The following GRIP1 variants were observed in gnomAD, a reference collection of about 807,000 sequenced individuals.
GRIP1 encodes glutamate receptor-interacting protein 1.
A neutral mutation model predicts 129.9 loss-of-function variants in GRIP1; 45 were observed. The observed-to-expected ratio is 0.35, with a 90% CI of 0.27 to 0.44. The LOEUF (loss-of-function observed/expected upper bound fraction) is 0.44. Among genes scored for constraint, GRIP1 ranks in the 20% least tolerant of loss-of-function variants. GRIP1 has a pLI of 1.00. For synonymous variants in GRIP1, 530 were observed against 520.8 expected (o/e 1.02, Z -0.24); for missense variants, 1,196 against 1,396.8 (o/e 0.86, Z 2.29).
intron 1 of GRIP1, among the ~76,000 whole-genome samples, chr12:66,643,936 G>A (rs1451324770): frequency 1.3e-5 from 2 of 152,092 alleles, no homozygotes; most frequent in African/African-American, 2.4e-5. Flanking sequence ...TCACACTGCT[G>A]ATAAAGACAT....
At chr12:66,654,964 A>T (rs2033053198) in intron 1 of GRIP1, among the ~76,000 whole-genome samples, 1 of 152,194 alleles carries the variant, frequency 6.6e-6, no homozygotes, top group South Asian at 2.1e-4. Context: ...TGTTTTTTAC[A>T]TTCTTATTTT....
At chr12:67,041,299 C>T (rs2043176046) in intron 1 of GRIP1, among the ~76,000 whole-genome samples, 1 of 151,514 alleles carries the variant, frequency 6.6e-6, no homozygotes, top group Non-Finnish European at 1.5e-5. Flanking sequence ...AATATATATA[C>T]ACATATATTT....
chr12:67,027,440 T>C (rs957084973), intron 1 of GRIP1, among the ~76,000 whole-genome samples: 24 of 152,210 alleles, frequency 1.6e-4, no homozygotes, highest in African/African-American at 5.8e-4. Flanking sequence ...ATTCATTCCA[T>C]AAATATTACT....
At chr12:66,450,425 G>GT (rs1257312502) in intron 11 of GRIP1, among the ~76,000 whole-genome samples, 6 of 144,834 alleles carry the variant, frequency 4.1e-5, no homozygotes, top group Non-Finnish European at 7.5e-5. Flanking sequence ...GACTTGCTAT[G>GT]TTTTTTTAAA....
At chr12:66,707,503 TAA>T (rs58564255) in intron 1 of GRIP1, among the ~76,000 whole-genome samples, 35 of 64,024 alleles carry the variant, frequency 5.5e-4, no homozygotes, top group African/African-American at 1.6e-3. Context: ...AATCACTGAC[TAA>T]AAAAAAAAAA....
rs141386175 is a variant in GRIP1 at position 66,759,311 on chromosome 12, C to A, written c.-420+44742G>T. On this transcript the variant is annotated intron_variant, in intron 1 of 4. Coordinates refer to the GRIP1 transcript ENST00000538373. Reference sequence around the variant, plus strand: ...TGGCCCCTTTCACCCATGGCTGGAGCCACAGGGCACCAAGTCCCTAGGCTG... The same window carrying A: ...TGGCCCCTTTCACCCATGGCTGGAGACACAGGGCACCAAGTCCCTAGGCTG... 2.6e-5 allele frequency among the ~76,000 whole-genome samples: 4 copies of A among 152,258 alleles called. No individual in the cohort carries two copies. The East Asian group carries it at 7.7e-4, about 29-fold the overall frequency.
At chr12:67,024,358 C>T (rs1174269362) in intron 1 of GRIP1, among the ~76,000 whole-genome samples, 1 of 152,070 alleles carries the variant, frequency 6.6e-6, no homozygotes, top group Non-Finnish European at 1.5e-5. Context: ...GACAGACCTG[C>T]AGCCATAGAC....
chr12:66,628,820 C>T (rs926648942), intron 1 of GRIP1, among the ~76,000 whole-genome samples: 3 of 152,144 alleles, frequency 2.0e-5, no homozygotes, highest in Admixed American at 1.3e-4. Context: ...AATGATCCGG[C>T]CCAAAATGTC....
chr12:66,731,338 G>A (rs1228193948), intron 1 of GRIP1, among the ~76,000 whole-genome samples: 1 of 152,172 alleles, frequency 6.6e-6, no homozygotes, highest in East Asian at 1.9e-4. Context: ...ATTAAATTGT[G>A]TCATAAAATG....
At chr12:66,406,218 C>T in intron 16 of GRIP1, 65 bp downstream of exon 16, 3 of 1,483,224 alleles carry the variant, frequency 2.0e-6, no homozygotes, top group Non-Finnish European at 2.8e-6. Context: ...ACATCAAGAT[C>T]TAATATCTTT....
At chr12:66,659,892 TTATATAG>T (rs1222981961) in intron 1 of GRIP1, among the ~76,000 whole-genome samples, 2 of 152,216 alleles carry the variant, frequency 1.3e-5, no homozygotes, top group Non-Finnish European at 2.9e-5. Flanking sequence ...AGAAATGGTC[TTATATAG>T]TATAAACTCC....
intron 23 of GRIP1, among the ~76,000 whole-genome samples, chr12:66,368,955 A>T (rs903196431): frequency 6.6e-6 from 1 of 152,194 alleles, no homozygotes; most frequent in Non-Finnish European, 1.5e-5. Flanking sequence ...CAGACACCCA[A>T]GATGCGAGCA....
chr12:66,375,809 T>G (rs866327480), intron 22 of GRIP1, among the ~76,000 whole-genome samples: 2 of 152,224 alleles, frequency 1.3e-5, no homozygotes, highest in Middle Eastern at 3.2e-3. Flanking sequence ...TCTTTTTGCC[T>G]AATGTAAAAT....
chr12:67,068,293 C>A (rs1478373547), intron 1 of GRIP1, among the ~76,000 whole-genome samples: 1 of 152,148 alleles, frequency 6.6e-6, no homozygotes, highest in African/African-American at 2.4e-5. Context: ...CAAGCTGAAG[C>A]ACAAAAGGGC....
At chr12:66,943,983 A>T (rs549474544) in intron 1 of GRIP1, among the ~76,000 whole-genome samples, 1 of 152,248 alleles carries the variant, frequency 6.6e-6, no homozygotes, top group East Asian at 1.9e-4. Context: ...ATCATCTCTA[A>T]TCTTTCACCG....
intron 11 of GRIP1, among the ~76,000 whole-genome samples, chr12:66,446,114 C>T (rs1208580642): frequency 5.3e-5 from 8 of 151,586 alleles, no homozygotes; most frequent in Admixed American, 4.6e-4. Flanking sequence ...ACCACCACCC[C>T]AGAGTTTGGT....
At chr12:66,806,695 T>G (rs529526632), upstream of GRIP1, among the ~76,000 whole-genome samples, 3 of 152,146 alleles carry the variant, frequency 2.0e-5, no homozygotes, top group Admixed American at 2.0e-4. Context: ...TCTCAAGCAG[T>G]GGTAAGCAAC....
intron 1 of GRIP1, among the ~76,000 whole-genome samples, chr12:66,659,346 T>G (rs796082663): frequency 3.3e-5 from 5 of 152,374 alleles, no homozygotes; most frequent in African/African-American, 1.2e-4. Context: ...AGGCCTATTT[T>G]ATTTGCTGCT....
rs373898397 is a variant in GRIP1 at position 66,371,771 on chromosome 12, T to C, written c.2935A>G (p.Arg979Gly). 2.5e-6 allele frequency: 4 copies of C among 1,614,098 alleles called. No individual in the cohort carries two copies. Among genetic ancestry groups the C allele is most frequent in the Admixed American group, 1.7e-5 (1 of 60,024 alleles). ...ATTTTTCTCAGGGTTACTGACTTCC[T>C]ACCCACATCTGAAGGCAGGGTGTTG... is the stretch of plus-strand genomic sequence containing the variant. ...RSNTLPSDVG[R>G]KSVTLRKMKQ... is the part of the protein sequence containing the mutation. The change falls in exon 23 of 25, where the codon AGG (arginine) becomes GGG (glycine). Residue 979 changes from arginine to glycine, a missense_variant. Around this residue, in one of 5 missense-constraint regions of GRIP1, gnomAD observed 427 missense variants for 463.3 expected, o/e 0.92. Transcript: ENST00000359742.
Sources: gnomAD v4.1 joint callset for allele counts (sites outside exome capture counted in the v4.1 genomes callset) on GRCh38, gnomAD v4.1.1 for gene constraint, gnomAD v4.1.1 regional missense constraint, MANE v1.5 for transcripts, NCBI Gene and HGNC (gene_info 2026-07-23, HGNC 2026-07-21) for gene names.